NEK6: variants seen among roughly 807,000 people sequenced by gnomAD.
The protein encoded by NEK6 is NIMA related kinase 6, also known as serine/threonine-protein kinase Nek6.
In NEK6, 27 loss-of-function variants were observed where a neutral mutation model predicts 43.5. That is an observed-to-expected ratio of 0.62 (90% CI 0.46 to 0.86). NEK6 has a LOEUF of 0.86. NEK6 is among the 40% of genes least tolerant of loss of function. The probability of loss-of-function intolerance (pLI) is 0.00; values close to 1 mark genes in which losing one functional copy is unlikely to be tolerated. For missense variants in NEK6, 318 were observed against 414.4 expected (o/e 0.77, Z 2.02); for synonymous variants, 167 against 164.1 (o/e 1.02, Z -0.14).
intron 7 of NEK6, among the ~76,000 whole-genome samples, chr9:124,329,863 A>G (rs1040965518): frequency 5.9e-5 from 9 of 152,230 alleles, no homozygotes; most frequent in Non-Finnish European, 1.2e-4. Context: ...TTACCATTGC[A>G]TCGTGACTCA....
intron 1 of NEK6, among the ~76,000 whole-genome samples, chr9:124,261,836 G>GGT (rs1831043228): frequency 6.6e-6 from 1 of 152,166 alleles, no homozygotes. Context: ...GTTAATTTAA[G>GGT]GTGTGAAATA....
At chr9:124,295,300 G>C (rs953704078) in intron 1 of NEK6, among the ~76,000 whole-genome samples, 8 of 152,238 alleles carry the variant, frequency 5.3e-5, no homozygotes, top group Non-Finnish European at 8.8e-5. Context: ...CCGGAAACCA[G>C]ACTCCATCTG....
intron 1 of NEK6, among the ~76,000 whole-genome samples, chr9:124,277,167 G>A (rs776923292): frequency 1.3e-5 from 2 of 152,192 alleles, no homozygotes; most frequent in East Asian, 3.8e-4. Context: ...TGGCTGGGCC[G>A]GGTGTGGTGG....
chr9:124,302,438 C>T (rs1833031042), intron 2 of NEK6, among the ~76,000 whole-genome samples: 1 of 152,196 alleles, frequency 6.6e-6, no homozygotes, highest in South Asian at 2.1e-4. Context: ...TCAGAAAATT[C>T]TTTCTTACAG....
chr9:124,296,096 C>T (rs62583810), intron 1 of NEK6, among the ~76,000 whole-genome samples: 3,350 of 152,374 alleles, frequency 0.022, 54 homozygotes, highest in Non-Finnish European at 0.033. Flanking sequence ...GGGCATGTGT[C>T]GGGCAGTGGA....
chr9:124,317,540 A>G (rs1462459429), intron 4 of NEK6, among the ~76,000 whole-genome samples: 1 of 152,122 alleles, frequency 6.6e-6, no homozygotes, highest in Non-Finnish European at 1.5e-5. Flanking sequence ...TTCCATTTTT[A>G]TTTTAGATTC....
chr9:124,339,155 A>G lies in NEK6; in HGVS notation c.623-416A>G, dbSNP rs949020951. ...GTGATTCTCCTGCCTCAGCCTCCTG[A>G]GTAGCTTGGATTATAGGTGTCTGCC... On this transcript the variant is annotated intron_variant, in intron 7 of 9. Transcript: ENST00000320246. Among the ~76,000 whole-genome samples, 5 of 150,784 alleles carry G rather than the reference A, an allele frequency of 3.3e-5. No homozygotes were observed. The Admixed American group carries it at 3.3e-4, about 10-fold the overall frequency.
intron 1 of NEK6, among the ~76,000 whole-genome samples, chr9:124,280,446 C>G (rs1423737670): frequency 2.0e-5 from 3 of 152,210 alleles, no homozygotes; most frequent in African/African-American, 7.2e-5. Context: ...AGAGGGTATC[C>G]CCACCATTGG....
At chr9:124,267,199 A>G (rs964542899) in intron 1 of NEK6, among the ~76,000 whole-genome samples, 2 of 152,254 alleles carry the variant, frequency 1.3e-5, no homozygotes, top group Non-Finnish European at 2.9e-5. Context: ...CCATCTTAGA[A>G]AGTAGGAAAC....
At position 124,351,012 on chromosome 9, in the gene NEK6, C is replaced by A; in HGVS notation, c.*65C>A. 1 of 1,121,958 alleles carries A rather than the reference C, an allele frequency of 8.9e-7. No individual in the cohort carries two copies. The highest frequency in any genetic ancestry group is 1.3e-5 in the South Asian group (1 of 77,692). 69.5% of individuals were successfully genotyped at this position (1,121,958 alleles called of 1,614,324 possible). On this transcript the variant is annotated 3_prime_UTR_variant, in exon 10 of 10. Transcript: ENST00000320246. ...TGCCTTACTTGAGTCGTCTTCTCTT[C>A]GAGTGGCCACCTGGTAGCCTAGAAC...
upstream of NEK6, chr9:124,257,690 G>A (rs1830861037): frequency 2.0e-6 from 3 of 1,533,574 alleles, no homozygotes; most frequent in South Asian, 1.2e-5. Flanking sequence ...GTCTAGAGCC[G>A]GAGAAGATGG....
intron 1 of NEK6, among the ~76,000 whole-genome samples, chr9:124,259,048 C>G (rs958204323): frequency 2.6e-5 from 4 of 152,224 alleles, no homozygotes; most frequent in Non-Finnish European, 5.9e-5. Context: ...TTATTTATAC[C>G]TCTCCTAGGC....
intron 4 of NEK6, among the ~76,000 whole-genome samples, chr9:124,319,356 C>T (rs1483737126): frequency 1.3e-5 from 2 of 151,848 alleles, no homozygotes; most frequent in South Asian, 4.2e-4. Context: ...GACATTAGTC[C>T]TTTGTCAGAT....
intron 4 of NEK6, among the ~76,000 whole-genome samples, chr9:124,318,894 C>T (rs1833938122): frequency 6.6e-6 from 1 of 152,322 alleles, no homozygotes; most frequent in Non-Finnish European, 1.5e-5. Flanking sequence ...TGGTCTTGAA[C>T]TCCTGACTTC....
chr9:124,347,778 C>A lies in NEK6; in HGVS notation c.787C>A (p.Gln263Lys). 1 of 1,613,156 alleles carries A rather than the reference C, an allele frequency of 6.2e-7. No homozygotes were observed. Among genetic ancestry groups the A allele is most frequent in the Non-Finnish European group, 8.5e-7 (1 of 1,179,490 alleles). ...CTTCTCCCTGTGCCAGAAGATCGAG[C>A]AGTGTGACTACCCCCCACTCCCCGG... is the stretch of plus-strand genomic sequence containing the variant. ...NLFSLCQKIE[Q>K]CDYPPLPGEH... is the part of the protein sequence containing the mutation. The change falls in exon 9 of 10, where the codon CAG becomes AAG. Residue 263 changes from glutamine (Q) to lysine (K), a missense_variant. Physicochemically the swap from Gln to Lys is moderately conservative, Grantham distance 53. Coordinates refer to ENST00000320246, the MANE Select transcript of NEK6 (RefSeq NM_014397.6).
intron 7 of NEK6, among the ~76,000 whole-genome samples, chr9:124,333,010 A>G (rs1166650962): frequency 3.3e-5 from 5 of 152,038 alleles, no homozygotes; most frequent in African/African-American, 1.2e-4. Context: ...GGGCCGGGAT[A>G]AGGCCCGGGC....
At chr9:124,270,797 G>A (rs1255125232) in intron 1 of NEK6, among the ~76,000 whole-genome samples, 1 of 152,246 alleles carries the variant, frequency 6.6e-6, no homozygotes, top group Non-Finnish European at 1.5e-5. Context: ...CTGCCAGCAT[G>A]TGCTCCATTA....
intron 1 of NEK6, among the ~76,000 whole-genome samples, chr9:124,280,400 G>A (rs113044484): frequency 0.013 from 1,920 of 152,334 alleles, 37 homozygotes; most frequent in African/African-American, 0.044. Flanking sequence ...GAGGCTTGCC[G>A]CTCACGCTGA....
intron 7 of NEK6, among the ~76,000 whole-genome samples, chr9:124,330,004 A>G (rs1420547406): frequency 1.3e-5 from 2 of 152,168 alleles, no homozygotes; most frequent in Non-Finnish European, 2.9e-5. Flanking sequence ...CAACCACCTC[A>G]TCTCCTAAGG....
Sources: allele counts gnomAD v4.1 joint callset (sites outside exome capture counted in the v4.1 genomes callset), GRCh38; gene constraint gnomAD v4.1.1; transcripts MANE v1.5; gene names NCBI Gene and HGNC (gene_info 2026-07-23, HGNC 2026-07-21).